ADARB2: variants seen among roughly 807,000 people sequenced by gnomAD.
The protein encoded by ADARB2 is adenosine deaminase RNA specific B2 (inactive), also known as inactive double-stranded RNA-specific editase B2.
A neutral mutation model predicts 62.2 loss-of-function variants in ADARB2; 25 were observed. The observed-to-expected ratio is 0.40, with a 90% CI of 0.29 to 0.56. ADARB2 has a LOEUF of 0.56. Ranked by LOEUF, ADARB2 falls within the 20% of genes least tolerant of loss-of-function variation. ADARB2 has a pLI of 0.43. For missense variants in ADARB2, 1,071 were observed against 1,077.4 expected (o/e 0.99, Z 0.08); for synonymous variants, 572 against 500.8 (o/e 1.14, Z -1.90).
chr10:1,311,551 CAG>C (rs919691403), intron 3 of ADARB2, among the ~76,000 whole-genome samples: 4 of 152,164 alleles, frequency 2.6e-5, no homozygotes, highest in African/African-American at 9.7e-5. Flanking sequence ...ACTCTGAACT[CAG>C]AGGATAGGTG....
intron 1 of ADARB2, among the ~76,000 whole-genome samples, chr10:1,444,426 C>T (rs556638970): frequency 1.3e-5 from 2 of 151,788 alleles, no homozygotes; most frequent in Non-Finnish European, 2.9e-5. Flanking sequence ...CTCTATCCAT[C>T]CACCCACCCA....
intron 3 of ADARB2, among the ~76,000 whole-genome samples, chr10:1,309,003 A>G (rs1161822966): frequency 6.6e-6 from 1 of 152,230 alleles, no homozygotes; most frequent in Non-Finnish European, 1.5e-5. Flanking sequence ...AAAGTCCCCA[A>G]AAAGGCAATG....
intron 4 of ADARB2, among the ~76,000 whole-genome samples, chr10:1,267,820 G>A (rs1456109090): frequency 6.6e-6 from 1 of 152,176 alleles, no homozygotes; most frequent in East Asian, 1.9e-4. Flanking sequence ...GTTGAAGGTG[G>A]TTCTGCTTGG....
intron 3 of ADARB2, among the ~76,000 whole-genome samples, chr10:1,302,986 G>A (rs764659754): frequency 0.026 from 3,912 of 152,268 alleles, 119 homozygotes; most frequent in East Asian, 0.11. Flanking sequence ...CTCCTCCAAA[G>A]GAACACAGCT....
intron 4 of ADARB2, among the ~76,000 whole-genome samples, chr10:1,262,697 T>G (rs976772176): frequency 6.6e-6 from 1 of 152,166 alleles, no homozygotes; most frequent in African/African-American, 2.4e-5. Flanking sequence ...TGTAAACTAG[T>G]TCAACCATTG....
At chr10:1,564,244 C>A (rs1832827793) in intron 1 of ADARB2, among the ~76,000 whole-genome samples, 1 of 152,202 alleles carries the variant, frequency 6.6e-6, no homozygotes, top group South Asian at 2.1e-4. Context: ...TACAGTCCCA[C>A]CAACAGTGTA....
intron 6 of ADARB2, among the ~76,000 whole-genome samples, chr10:1,223,973 G>A (rs1830720606): frequency 6.6e-6 from 1 of 152,134 alleles, no homozygotes; most frequent in Non-Finnish European, 1.5e-5. Context: ...TTTTTCTATT[G>A]ATTGGAATAG....
intron 1 of ADARB2, among the ~76,000 whole-genome samples, chr10:1,570,486 C>G (rs1444080975): frequency 2.6e-5 from 4 of 152,192 alleles, no homozygotes; most frequent in Non-Finnish European, 5.9e-5. Context: ...AAAGGCCTCC[C>G]TCCCGAGTGT....
chr10:1,414,103 T>C (rs1487059135), intron 1 of ADARB2, among the ~76,000 whole-genome samples: 1 of 152,184 alleles, frequency 6.6e-6, no homozygotes, highest in East Asian at 1.9e-4. Context: ...GGGGCTGCCC[T>C]GCACAGCCAT....
At chr10:1,495,916 C>A (rs1213662427) in intron 1 of ADARB2, among the ~76,000 whole-genome samples, 2 of 151,980 alleles carry the variant, frequency 1.3e-5, no homozygotes, top group Non-Finnish European at 2.9e-5. Context: ...TTATCACCAC[C>A]ATCATCATCA....
At position 1,363,403 on chromosome 10, in the gene ADARB2, G is replaced by A. The variant is rs1296542823; in HGVS notation, c.702C>T (p.Pro234=). Reference sequence around the variant, plus strand: ...CCCCGGGGCGGCCTCCCGCGAGTCCGGGGCGCGGCGCCGGGGGCTCGAACT... The same window carrying A: ...CCCCGGGGCGGCCTCCCGCGAGTCCAGGGCGCGGCGCCGGGGGCTCGAACT... ...FQEFEPPAPR[P]GLAGGRPGDA... Residue 234 remains proline, a synonymous_variant, in exon 3 of 10, where the codon CCC becomes CCT. Coordinates refer to ENST00000381312, the MANE Select transcript of ADARB2 (RefSeq NM_018702.4). 3 of 1,351,314 alleles carry A rather than the reference G, an allele frequency of 2.2e-6. No individual in the cohort carries two copies. Among genetic ancestry groups the A allele is most frequent in the East Asian group, 6.2e-5 (2 of 32,134 alleles). The allele number at this position is 1,351,314 out of a possible 1,614,324, so 83.7% of individuals were successfully genotyped here.
chr10:1,545,370 T>A (rs1407160863), intron 1 of ADARB2, among the ~76,000 whole-genome samples: 4 of 152,226 alleles, frequency 2.6e-5, no homozygotes, highest in Non-Finnish European at 5.9e-5. Flanking sequence ...CAGTGTGATC[T>A]GAACATTTGG....
intron 1 of ADARB2, among the ~76,000 whole-genome samples, chr10:1,399,596 G>A (rs1832645320): frequency 6.6e-6 from 1 of 152,200 alleles, no homozygotes; most frequent in Non-Finnish European, 1.5e-5. Context: ...TGAGATACAA[G>A]AGGGGGAGTG....
At chr10:1,697,862 G>A (rs963782842) in intron 1 of ADARB2, among the ~76,000 whole-genome samples, 3 of 152,158 alleles carry the variant, frequency 2.0e-5, no homozygotes, top group Admixed American at 6.5e-5. Flanking sequence ...TGCTTACTCC[G>A]TAACCGTGAA....
At chr10:1,631,343 C>A (rs889751230) in intron 1 of ADARB2, among the ~76,000 whole-genome samples, 2 of 152,024 alleles carry the variant, frequency 1.3e-5, no homozygotes, top group East Asian at 3.9e-4. Flanking sequence ...GCTCACCCAG[C>A]TTTAGCCAGC....
At chr10:1,581,515 C>T (rs1183180155) in intron 1 of ADARB2, among the ~76,000 whole-genome samples, 3 of 152,200 alleles carry the variant, frequency 2.0e-5, no homozygotes, top group African/African-American at 2.4e-5. Context: ...TAGCTGCCAC[C>T]GTGACCAGGT....
At chr10:1,598,573 C>T (rs886433174) in intron 1 of ADARB2, among the ~76,000 whole-genome samples, 4 of 152,144 alleles carry the variant, frequency 2.6e-5, no homozygotes, top group Admixed American at 6.5e-5. Flanking sequence ...GGGGATGTGG[C>T]CCATTGCTTG....
Position 1,363,227 on chromosome 10 carries a change from A to C in ADARB2, c.878T>G (p.Val293Gly). Residue 293 changes from valine (V) to glycine (G), a missense_variant, in exon 3 of 10, where the codon GTG becomes GGG. Coordinates refer to ENST00000381312, the MANE Select transcript of ADARB2 (RefSeq NM_018702.4). Reference protein sequence around the residue: ...LNRLRAGLRYVCLAEPAERRA... With the variant: ...LNRLRAGLRYGCLAEPAERRA... The stretch of plus-strand genomic sequence containing the variant: ...CCGCTCGGCCGGTTCTGCCAGACAC[A>C]CGTAGCGCAGCCCGGCGCGCAGGCG... 7.0e-7 allele frequency: 1 copy of C among 1,425,930 alleles called. No individual in the cohort carries two copies. Among genetic ancestry groups the C allele is most frequent in the South Asian group, 1.4e-5 (1 of 69,258 alleles). The allele number at this position is 1,425,930 out of a possible 1,614,324, so 88.3% of individuals were successfully genotyped here. A position where few individuals can be genotyped will look rare whatever the true frequency, so the allele number is the denominator to read the frequency against.
chr10:1,628,201 TA>T lies in ADARB2; in HGVS notation c.100+108849del, dbSNP rs372483754. Among the ~76,000 whole-genome samples the T allele has an allele frequency of 5.4e-4, 82 of 152,290 alleles. 1 individual carries two copies. Among genetic ancestry groups the T allele is most frequent in the Middle Eastern group, 3.4e-3 (1 of 294 alleles). On this transcript the variant is annotated intron_variant, in intron 1 of 9. Coordinates refer to ENST00000381312, the MANE Select transcript of ADARB2 (RefSeq NM_018702.4). ...CCTCCTCTGGCCTCCCTGGCATGCT[TA>T]GGGGGAAAAGTCGCTTCTGTGCACA...
Sources: allele counts gnomAD v4.1 joint callset (sites outside exome capture counted in the v4.1 genomes callset), GRCh38; gene constraint gnomAD v4.1.1; transcripts MANE v1.5; gene names NCBI Gene and HGNC (gene_info 2026-07-23, HGNC 2026-07-21).